Variants in BEST2 observed in about 807,000 individuals in gnomAD.
BEST2 encodes the protein bestrophin-2a.
A neutral mutation model predicts 49.0 loss-of-function variants in BEST2; 36 were observed. The observed-to-expected ratio is 0.73, with a 90% CI of 0.56 to 0.97. BEST2 has a LOEUF of 0.97. Among genes scored for constraint, BEST2 ranks in the 50% least tolerant of loss-of-function variants. The probability of loss-of-function intolerance (pLI) is 0.00; values close to 1 mark genes in which losing one functional copy is unlikely to be tolerated. For synonymous variants in BEST2, 335 were observed against 304.4 expected, an observed-to-expected ratio of 1.10 and a Z score of -1.05; for missense variants, 672 against 710.0, an observed-to-expected ratio of 0.95 and a Z score of 0.61.
chr19:12,754,932 C>A lies in BEST2; in HGVS notation c.537C>A (p.Asn179Lys). The A allele has an allele frequency of 1.2e-6, 2 of 1,613,964 alleles. No individual in the cohort carries two copies. Among genetic ancestry groups the A allele is most frequent in the Non-Finnish European group, 1.7e-6 (2 of 1,179,920 alleles). The change falls in exon 5 of 10, where the codon AAC becomes AAA. Residue 179 changes from asparagine to lysine, a missense_variant. Physicochemically the swap from Asn to Lys is moderately conservative, Grantham distance 94 (BLOSUM62 0). Transcript: ENST00000553030. ...TTGAAAACCTGAACTCATCCTACAA[C>A]AAGTACTGGGTGCCCTGCGTCTGGT... Reference protein sequence around the residue: ...KKFENLNSSYNKYWVPCVWFS... With the variant: ...KKFENLNSSYKKYWVPCVWFS...
chr19:12,753,674 C>T (rs1272557868), intron 3 of BEST2, among the ~76,000 whole-genome samples: 3 of 151,974 alleles, frequency 2.0e-5, no homozygotes. Context: ...GGGACAAACC[C>T]CTAACCCTCC....
Position 12,758,187 on chromosome 19 carries a change from C to G in BEST2, c.*110C>G. 7.6e-7 allele frequency: 1 copy of G among 1,309,172 alleles called. No individual in the cohort carries two copies. Among genetic ancestry groups the G allele is most frequent in the Non-Finnish European group, 1.0e-6 (1 of 955,572 alleles). 81.1% of individuals were successfully genotyped at this position (1,309,172 alleles called of 1,614,324 possible). ...TGTGCCTTTGTAAAGTCCACCTACA[C>G]TTTTGACCAGCTCTCGCTGCCCGCA... On this transcript the variant is annotated 3_prime_UTR_variant, in exon 10 of 10. Coordinates refer to ENST00000553030, the MANE Select transcript of BEST2 (RefSeq NM_017682.3).
intron 8 of BEST2, 101 bp downstream of exon 8, chr19:12,756,036 C>G: frequency 6.3e-7 from 1 of 1,594,868 alleles, no homozygotes; most frequent in Non-Finnish European, 8.6e-7. Context: ...AGGTCTCACC[C>G]CAACCATCCT....
chr19:12,752,565 C>T lies in BEST2; in HGVS notation c.-28C>T. On this transcript the variant is annotated 5_prime_UTR_variant, in exon 2 of 10. Coordinates refer to ENST00000553030, the MANE Select transcript of BEST2 (RefSeq NM_017682.3). The stretch of plus-strand genomic sequence containing the variant: ...AGCCCCCACCCGGGCCACCCACTCT[C>T]CCTTGGCCACACCTGCCGGGTGCCA... The T allele has an allele frequency of 6.2e-7, 1 of 1,608,978 alleles. No individual in the cohort carries two copies. The highest frequency in any genetic ancestry group is 2.2e-5 in the East Asian group (1 of 44,820).
At chr19:12,753,478 C>A in intron 3 of BEST2, 124 bp downstream of exon 3, 1 of 832,964 alleles carries the variant, frequency 1.2e-6, no homozygotes, top group Non-Finnish European at 2.0e-6. Context: ...ACCCCGACAG[C>A]ACTGCCCACC....
intron 9 of BEST2, among the ~76,000 whole-genome samples, chr19:12,757,407 G>A (rs535617604): frequency 2.0e-5 from 3 of 152,290 alleles, no homozygotes; most frequent in South Asian, 4.1e-4. Flanking sequence ...GCGAGACTCC[G>A]TCTCAAAATA....
chr19:12,753,516 C>G (rs1967898016), intron 3 of BEST2, among the ~76,000 whole-genome samples, 162 bp downstream of exon 3: 2 of 150,400 alleles, frequency 1.3e-5, no homozygotes, highest in South Asian at 4.2e-4. Context: ...CATGAAGATG[C>G]CAGATGTGGC....
Position 12,755,483 on chromosome 19 carries a change from T to C in BEST2, c.714+27T>C, listed in dbSNP as rs1187213715. 1 of 1,613,140 alleles carries C rather than the reference T, an allele frequency of 6.2e-7. No individual in the cohort carries two copies. The highest frequency in any genetic ancestry group is 8.5e-7 in the Non-Finnish European group (1 of 1,179,218). ...TAACCCCATCATGCCTCTTTTTATA[T>C]TCGGTGTCAGTGGCCCTGATGCCTG... On this transcript the variant is annotated intron_variant, in intron 6 of 9. Coordinates refer to ENST00000553030, the MANE Select transcript of BEST2 (RefSeq NM_017682.3). This position sits in a 1 kb window ranked among gnomAD's most constrained non-coding sequence, Gnocchi z 4.4.
chr19:12,754,849 C>G, intron 4 of BEST2, 28 bp from the exon 5 acceptor site: 1 of 1,600,764 alleles, frequency 6.2e-7, no homozygotes, highest in South Asian at 1.1e-5. Context: ...GGGCAAGGGG[C>G]GAGCTATCCC....
intron 9 of BEST2, 92 bp downstream of exon 9, chr19:12,756,387 G>A: frequency 6.7e-7 from 1 of 1,487,452 alleles, no homozygotes; most frequent in Non-Finnish European, 9.2e-7. Flanking sequence ...AATCAATTCT[G>A]GAGATGGGGA....
rs1265774462 is a variant in BEST2, at chr19:12,756,242, T to C, written c.1050T>C (p.Ala350=). 6.2e-7 allele frequency: 1 copy of C among 1,614,184 alleles called. No individual in the cohort carries two copies. Among genetic ancestry groups the C allele is most frequent in the Non-Finnish European group, 8.5e-7 (1 of 1,180,056 alleles). The stretch of plus-strand genomic sequence containing the variant: ...AGGCTCGCGCCCCATACACAGCGGC[T>C]ACTGTCTTCCAGCTGCGGCAGCCTT... ...AAEARAPYTA[A]TVFQLRQPSF... The change falls in exon 9 of 10, where the codon GCT becomes GCC. Residue 350 remains alanine, a synonymous_variant. Coordinates refer to ENST00000553030, the MANE Select transcript of BEST2 (RefSeq NM_017682.3).
In BEST2 at chr19:12,753,252, T is replaced by C; in HGVS notation, c.153-8T>C. On this transcript the variant is annotated splice_polypyrimidine_tract_variant and splice_region_variant and intron_variant, in intron 2 of 9. Transcript: ENST00000553030. ...TGTGACCTGTGACCCCTCATCTCTATCCCGCAGCTTTGTGCTGACCGAAGG... is the reference window on the plus strand; with the variant it reads ...TGTGACCTGTGACCCCTCATCTCTACCCCGCAGCTTTGTGCTGACCGAAGG... 1 of 1,614,058 alleles carries C rather than the reference T, an allele frequency of 6.2e-7. No homozygotes were observed. The highest frequency in any genetic ancestry group is 8.5e-7 in the Non-Finnish European group (1 of 1,179,922).
At position 12,758,451 on chromosome 19, in the gene BEST2, T is replaced by C. The variant is rs1226136237; in HGVS notation, c.*374T>C. ...TGCTCAATAAATTGCTAGTGATTTTTACTCAAACGTTGTTAGTCTGATTTC... is the reference window on the plus strand; with the variant it reads ...TGCTCAATAAATTGCTAGTGATTTTCACTCAAACGTTGTTAGTCTGATTTC... On this transcript the variant is annotated 3_prime_UTR_variant, in exon 10 of 10. Transcript: ENST00000553030. The C allele has an allele frequency of 1.3e-5, 3 of 235,350 alleles. No individual in the cohort carries two copies. Among genetic ancestry groups the C allele is most frequent in the Non-Finnish European group, 1.6e-5 (2 of 123,252 alleles). 14.6% of individuals were successfully genotyped at this position (235,350 alleles called of 1,614,324 possible).
In BEST2 at chr19:12,752,776, C is replaced by CGGAGGG. The variant is rs762207106; in HGVS notation, c.152+35_152+40dup. 1.9e-6 allele frequency: 3 copies of CGGAGGG among 1,571,758 alleles called. No individual in the cohort carries two copies. The African/African-American group carries it at 4.1e-5, about 21-fold the overall frequency. On this transcript the variant is annotated intron_variant, in intron 2 of 9. Transcript: ENST00000553030. The stretch of plus-strand genomic sequence containing the variant: ...CTGCCCTGAGGTGCTCATGTTCTAG[C>CGGAGGG]GGAGGGGGGGCAGCTATTATATATA...
Position 12,755,509 on chromosome 19 carries a change from G to A in BEST2, c.714+53G>A. ...TCGGTGTCAGTGGCCCTGATGCCTG[G>A]TTTCCAAGGGGAAACCAAGAACTAG... On this transcript the variant is annotated intron_variant, in intron 6 of 9. Transcript: ENST00000553030. This position sits in a 1 kb window ranked among gnomAD's most constrained non-coding sequence, Gnocchi z 4.4. 5 of 1,611,252 alleles carry A rather than the reference G, an allele frequency of 3.1e-6. No homozygotes were observed. The highest frequency in any genetic ancestry group is 4.2e-6 in the Non-Finnish European group (5 of 1,177,566).
chr19:12,758,087 G>C lies in BEST2; in HGVS notation c.*10G>C, dbSNP rs1568353984. On this transcript the variant is annotated 3_prime_UTR_variant, in exon 10 of 10. Transcript: ENST00000553030. ...GGAGAATCTGGCCTGAGATCTTAGAGCCCAGCCCCCTAAGGACAGGGAACC... is the reference window on the plus strand; with the variant it reads ...GGAGAATCTGGCCTGAGATCTTAGACCCCAGCCCCCTAAGGACAGGGAACC... 2 of 1,611,748 alleles carry C rather than the reference G, an allele frequency of 1.2e-6. No homozygotes were observed. The highest frequency in any genetic ancestry group is 1.7e-6 in the Non-Finnish European group (2 of 1,179,542).
rs1289043182 is a variant in BEST2 at position 12,754,697 on chromosome 19, C to T, written c.393C>T (p.Tyr131=). The change falls in exon 4 of 10, where the codon TAC becomes TAT. Residue 131 remains tyrosine (Y), a synonymous_variant. Transcript: ENST00000553030. ...GRLYRRTLMR[Y]AGLSAVLILR... ...TCTACCGGCGCACACTCATGCGCTA[C>T]GCAGGGCTCTCGGCCGTGCTCATCC... 4.4e-6 allele frequency: 7 copies of T among 1,585,988 alleles called. No individual in the cohort carries two copies. The highest frequency in any genetic ancestry group is 1.8e-5 in the Admixed American group (1 of 55,618).
Position 12,758,332 on chromosome 19 carries a change from G to A in BEST2, c.*255G>A, listed in dbSNP as rs1967971883. 1 of 536,196 alleles carries A rather than the reference G, an allele frequency of 1.9e-6. No individual in the cohort carries two copies. Among genetic ancestry groups the A allele is most frequent in the East Asian group, 3.3e-5 (1 of 30,592 alleles). The allele number at this position is 536,196 out of a possible 1,614,324, so 33.2% of individuals were successfully genotyped here. On this transcript the variant is annotated 3_prime_UTR_variant, in exon 10 of 10. Transcript: ENST00000553030. ...AGAGGTCTCTATCAGTGTCCTGCCTGAATTCTTTCCTTCAAGTGAAGATGT... is the reference window on the plus strand; with the variant it reads ...AGAGGTCTCTATCAGTGTCCTGCCTAAATTCTTTCCTTCAAGTGAAGATGT...
chr19:12,753,291 T>C lies in BEST2; in HGVS notation c.184T>C (p.Phe62Leu), dbSNP rs769196924. The C allele has an allele frequency of 2.1e-5, 34 of 1,614,046 alleles. No individual in the cohort carries two copies. In the South Asian group the frequency reaches 3.5e-4, roughly 17 times the overall value. Residue 62 changes from phenylalanine (F) to leucine (L), a missense_variant, in exon 3 of 10, where the codon TTC becomes CTC. Around this residue, in one of 3 missense-constraint regions of BEST2, gnomAD observed 365 missense variants for 390.9 expected, o/e 0.93. Transcript: ENST00000553030. ...FVLTEGQKRY[F>L]EKLVIYCDQY... ...GCTGACCGAAGGGCAGAAGCGCTAC[T>C]TCGAGAAGCTTGTGATTTATTGTGA... is the stretch of plus-strand genomic sequence containing the variant.
Sources: gnomAD v4.1 joint callset for allele counts (sites outside exome capture counted in the v4.1 genomes callset) on GRCh38, gnomAD v4.1.1 for gene constraint, gnomAD v4.1.1 regional missense constraint, Gnocchi (gnomAD v3.1) non-coding constraint, MANE v1.5 for transcripts, NCBI Gene and HGNC (gene_info 2026-07-23, HGNC 2026-07-21) for gene names.